KCNMA1: variants seen among roughly 807,000 people sequenced by gnomAD.
KCNMA1 encodes Calcium-activated potassium channel subunit alpha-1.
A neutral mutation model predicts 140.0 loss-of-function variants in KCNMA1; 29 were observed. That is an observed-to-expected ratio of 0.21 (90% CI 0.15 to 0.28). The LOEUF (loss-of-function observed/expected upper bound fraction) is 0.28. Among genes scored for constraint, KCNMA1 ranks in the 10% least tolerant of loss-of-function variants. The probability of loss-of-function intolerance (pLI) is 1.00; values close to 1 mark genes in which losing one functional copy is unlikely to be tolerated. For synonymous variants in KCNMA1, 612 were observed against 611.9 expected, an observed-to-expected ratio of 1.00 and a Z score of 0.00; for missense variants, 880 against 1,602.2, an observed-to-expected ratio of 0.55 and a Z score of 7.70.
chr10:77,016,814 A>C (rs191224719), intron 17 of KCNMA1, among the ~76,000 whole-genome samples: 6 of 152,300 alleles, frequency 3.9e-5, no homozygotes, highest in Non-Finnish European at 5.9e-5. Context: ...AAAACACTGC[A>C]TCTGAAGGTT....
chr10:77,239,659 T>C (rs1368382355), intron 3 of KCNMA1, among the ~76,000 whole-genome samples: 3 of 152,192 alleles, frequency 2.0e-5, no homozygotes, highest in Non-Finnish European at 4.4e-5. Context: ...ATCTACTTCC[T>C]ACTTTGAAAA....
chr10:77,439,355 G>GCCCA (rs1684982551), intron 1 of KCNMA1, among the ~76,000 whole-genome samples: 1 of 152,204 alleles, frequency 6.6e-6, no homozygotes, highest in South Asian at 2.1e-4. Flanking sequence ...TAGAGGTGGA[G>GCCCA]CCCAGATGTT....
chr10:77,434,589 C>T (rs1290436052), intron 1 of KCNMA1, among the ~76,000 whole-genome samples: 1 of 152,190 alleles, frequency 6.6e-6, no homozygotes, highest in Non-Finnish European at 1.5e-5. Flanking sequence ...GCATCTCTCA[C>T]GACAGGACCC....
At chr10:77,045,012 G>A (rs370028336) in intron 14 of KCNMA1, among the ~76,000 whole-genome samples, 1 of 152,304 alleles carries the variant, frequency 6.6e-6, no homozygotes, top group African/African-American at 2.4e-5. Flanking sequence ...TTTACGAGAC[G>A]TCTAGCAAGG....
chr10:77,007,671 A>ATATATATATATATATG (rs1565504676), intron 18 of KCNMA1, among the ~76,000 whole-genome samples: 1 of 141,374 alleles, frequency 7.1e-6, no homozygotes, highest in African/African-American at 2.6e-5. Context: ...ATATATATAT[A>ATATATATATATATATG]TATATGTATC....
At chr10:76,998,152 G>C (rs1488648391) in intron 19 of KCNMA1, among the ~76,000 whole-genome samples, 1 of 152,122 alleles carries the variant, frequency 6.6e-6, no homozygotes, top group East Asian at 1.9e-4. Context: ...CCTCCATAGA[G>C]GGGTGCACCG....
At chr10:77,170,979 A>T (rs906113262) in intron 5 of KCNMA1, among the ~76,000 whole-genome samples, 1 of 152,252 alleles carries the variant, frequency 6.6e-6, no homozygotes, top group African/African-American at 2.4e-5. Context: ...ATAAAGGATT[A>T]CATTAATAAG....
At chr10:76,975,878 T>C (rs1200300295) in intron 19 of KCNMA1, among the ~76,000 whole-genome samples, 1 of 152,194 alleles carries the variant, frequency 6.6e-6, no homozygotes, top group Non-Finnish European at 1.5e-5. Flanking sequence ...GGTGTTATCT[T>C]AGTTCACTGC....
chr10:76,890,457 A>G (rs1163933525), intron 26 of KCNMA1, among the ~76,000 whole-genome samples: 6 of 152,192 alleles, frequency 3.9e-5, no homozygotes, highest in Admixed American at 2.6e-4. Context: ...CTTTATCCTA[A>G]TCAAGTGCAT....
In KCNMA1 at chr10:76,936,347, G is replaced by T. The variant is rs568437730; in HGVS notation, c.2902+8426C>A. 7.6e-4 allele frequency among the ~76,000 whole-genome samples: 116 copies of T among 152,298 alleles called. 1 individual carries two copies. The highest frequency in any genetic ancestry group is 2.6e-3 in the African/African-American group (110 of 41,578). ...AGATCTAAATCACAAACCAATAAAA[G>T]AAAATTATTGGGGTAGATATCTAAA... On this transcript the variant is annotated intron_variant, in intron 23 of 27. Coordinates refer to ENST00000286628, the MANE Select transcript of KCNMA1 (RefSeq NM_001161352.2).
chr10:76,957,037 A>G (rs1337712309), intron 20 of KCNMA1, among the ~76,000 whole-genome samples: 1 of 147,632 alleles, frequency 6.8e-6, no homozygotes, highest in Admixed American at 7.0e-5. Context: ...CTGAGGCAGG[A>G]GAATGGGGTG....
At chr10:77,546,545 C>T (rs370911863) in intron 1 of KCNMA1, among the ~76,000 whole-genome samples, 3 of 152,220 alleles carry the variant, frequency 2.0e-5, no homozygotes, top group East Asian at 3.8e-4. Flanking sequence ...AGGCCACTGC[C>T]GGCCTGTTCT....
intron 1 of KCNMA1, among the ~76,000 whole-genome samples, chr10:77,408,502 G>A (rs574556742): frequency 2.6e-5 from 4 of 151,910 alleles, no homozygotes; most frequent in Non-Finnish European, 5.9e-5. Flanking sequence ...GTGCATGTCT[G>A]AGAATGTGTG....
chr10:77,559,372 G>A lies in KCNMA1; in HGVS notation c.378+77893C>T, dbSNP rs577353777. Reference sequence around the variant, plus strand: ...CTGAAGGGTTGGACCTGGCACAGTCGACACTTCTCTAGGACTCTGTCGGTG... The same window carrying A: ...CTGAAGGGTTGGACCTGGCACAGTCAACACTTCTCTAGGACTCTGTCGGTG... On this transcript the variant is annotated intron_variant, in intron 1 of 27. Transcript: ENST00000286628. 2.6e-5 allele frequency among the ~76,000 whole-genome samples: 4 copies of A among 152,196 alleles called. No homozygotes were observed. The South Asian group carries it at 6.2e-4, about 24-fold the overall frequency.
chr10:76,959,923 G>C (rs1022127068), intron 20 of KCNMA1, among the ~76,000 whole-genome samples: 14 of 152,298 alleles, frequency 9.2e-5, no homozygotes, highest in Admixed American at 7.8e-4. Flanking sequence ...AAATAGATAA[G>C]TAACATGCTC....
intron 1 of KCNMA1, among the ~76,000 whole-genome samples, chr10:77,411,842 A>G (rs970531983): frequency 2.6e-5 from 4 of 152,190 alleles, no homozygotes; most frequent in Non-Finnish European, 4.4e-5. Flanking sequence ...AGAGTATCAC[A>G]TTGGAAATGA....
At chr10:77,091,201 G>A (rs2096806776) in intron 9 of KCNMA1, 1 of 153,514 alleles carries the variant, frequency 6.5e-6, no homozygotes. Flanking sequence ...GTCCCCAGAG[G>A]GCTGCTTCCT....
At chr10:77,008,591 C>T (rs1032100060) in intron 18 of KCNMA1, among the ~76,000 whole-genome samples, 4 of 152,012 alleles carry the variant, frequency 2.6e-5, no homozygotes, top group Admixed American at 6.6e-5. Flanking sequence ...GATGAGATGA[C>T]GTGAAATGTT....
chr10:77,279,099 G>A (rs1381133246), intron 2 of KCNMA1, among the ~76,000 whole-genome samples: 2 of 152,130 alleles, frequency 1.3e-5, no homozygotes, highest in African/African-American at 4.8e-5. Context: ...CTGCAGCACT[G>A]GGACAGCAAA....
Sources: gnomAD v4.1 joint callset for allele counts (sites outside exome capture counted in the v4.1 genomes callset) on GRCh38, gnomAD v4.1.1 for gene constraint, MANE v1.5 for transcripts, NCBI Gene and HGNC (gene_info 2026-07-23, HGNC 2026-07-21) for gene names.